The following ZCCHC8 variants were observed in gnomAD, a reference collection of about 807,000 sequenced individuals.
ZCCHC8 encodes zinc finger CCHC-type containing 8.
ZCCHC8 carries 27 observed loss-of-function variants against 70.6 expected under a neutral mutation model. The ratio of observed to expected loss-of-function variants is 0.38; its 90% CI spans 0.28 to 0.53. The LOEUF is 0.53. ZCCHC8 is among the 20% of genes least tolerant of loss of function. The probability of loss-of-function intolerance (pLI) is 0.81; values close to 1 mark genes in which losing one functional copy is unlikely to be tolerated. For synonymous variants in ZCCHC8, 293 were observed against 317.4 expected, an observed-to-expected ratio of 0.92 and a Z score of 0.82; for missense variants, 737 against 876.9, an observed-to-expected ratio of 0.84 and a Z score of 2.01.
Position 122,489,403 on chromosome 12 carries a change from T to G in ZCCHC8, c.484A>C (p.Asn162His), listed in dbSNP as rs764102287. 64 of 1,613,624 alleles carry G rather than the reference T, an allele frequency of 4.0e-5. No individual in the cohort carries two copies. Among genetic ancestry groups the G allele is most frequent in the Non-Finnish European group, 5.3e-5 (63 of 1,179,764 alleles). The change falls in exon 5 of 14, where the codon AAC becomes CAC. Residue 162 changes from asparagine to histidine, a missense_variant. Transcript: ENST00000633063. Reference protein sequence around the residue: ...KVEESCAIKNNKEAFSVVGSV... With the variant: ...KVEESCAIKNHKEAFSVVGSV... ...AAACTTACACTGAAAGCTTCCTTGTTGTTTTTAATGGCACAGGACTCTTCC... is the reference window on the plus strand; with the variant it reads ...AAACTTACACTGAAAGCTTCCTTGTGGTTTTTAATGGCACAGGACTCTTCC...
chr12:122,474,263 G>A lies in ZCCHC8; in HGVS notation c.1358C>T (p.Pro453Leu). 1.4e-6 allele frequency: 2 copies of A among 1,435,036 alleles called. No homozygotes were observed. The highest frequency in any genetic ancestry group is 1.8e-5 in the South Asian group (1 of 56,778). 88.9% of individuals were successfully genotyped at this position (1,435,036 alleles called of 1,614,324 possible). The change falls in exon 14 of 14, where the codon CCA (proline) becomes CTA (leucine). Residue 453 changes from proline (P) to leucine (L), a missense_variant. Physicochemically the swap from Pro to Leu is moderately conservative, Grantham distance 98. Transcript: ENST00000633063. Reference sequence around the variant, plus strand: ...ACTTTCGCTGCTCTGAGAACCATGTGGTACCTCCATATCTGAAGTAAGAAA... The same window carrying A: ...ACTTTCGCTGCTCTGAGAACCATGTAGTACCTCCATATCTGAAGTAAGAAA... ...DMELDSDMEV[P>L]HGSQSSESFQ...
Position 122,482,622 on chromosome 12 carries a change from G to C in ZCCHC8, c.732+13C>G. On this transcript the variant is annotated intron_variant, in intron 8 of 13. Coordinates refer to ENST00000633063, the MANE Select transcript of ZCCHC8 (RefSeq NM_017612.5). The stretch of plus-strand genomic sequence containing the variant: ...CTTGTTCAAAGACTTTTCTTAACAT[G>C]AGAAAAATTTACCATTGGGCAATCT... 2 of 1,596,164 alleles carry C rather than the reference G, an allele frequency of 1.3e-6. No homozygotes were observed. Among genetic ancestry groups the C allele is most frequent in the Admixed American group, 1.7e-5 (1 of 59,220 alleles).
In ZCCHC8 at chr12:122,482,647, T is replaced by A. The variant is rs747459224; in HGVS notation, c.720A>T (p.Lys240Asn). The A allele has an allele frequency of 1.2e-6, 2 of 1,606,046 alleles. No individual in the cohort carries two copies. The highest frequency in any genetic ancestry group is 8.5e-7 in the Non-Finnish European group (1 of 1,175,546). Reference sequence around the variant, plus strand: ...GAGAAAAATTTACCATTGGGCAATCTTTCATTTGGTGTTCTTCAGAACCAC... The same window carrying A: ...GAGAAAAATTTACCATTGGGCAATCATTCATTTGGTGTTCTTCAGAACCAC... ...FNCGSEEHQM[K>N]DCPMPRNAAR... The change falls in exon 8 of 14, where the codon AAA becomes AAT. Residue 240 changes from lysine to asparagine, a missense_variant. Lys to Asn is a moderately conservative substitution (Grantham distance 94). Transcript: ENST00000633063.
chr12:122,478,056 T>G (rs754365126), intron 12 of ZCCHC8, 98 bp from the exon 13 acceptor site: 16 of 1,226,038 alleles, frequency 1.3e-5, no homozygotes, highest in Admixed American at 1.9e-5. Context: ...CAATCTGGAG[T>G]TAAGTCTAGG....
intron 4 of ZCCHC8, 106 bp from the exon 5 acceptor site, chr12:122,489,569 T>A: frequency 1.0e-6 from 1 of 1,000,562 alleles, no homozygotes; most frequent in Admixed American, 2.0e-5. Context: ...ATGAACGACA[T>A]TTCATGTGGG....
intron 5 of ZCCHC8, among the ~76,000 whole-genome samples, chr12:122,486,852 G>A (rs1957652530): frequency 6.6e-6 from 1 of 152,158 alleles, no homozygotes; most frequent in African/African-American, 2.4e-5. Flanking sequence ...TTACAGATGT[G>A]AGCCGCCGTG....
Position 122,478,085 on chromosome 12 carries a change from ACT to A in ZCCHC8, c.1227+119_1227+120del. On this transcript the variant is annotated intron_variant, in intron 12 of 13. Transcript: ENST00000633063. ...GTCTAGGTAATTGGTGAATTTTGCC[ACT>A]GTTTTCCTTTTGGTTTGTCAAGATA... 2.4e-6 allele frequency: 3 copies of A among 1,233,132 alleles called. No homozygotes were observed. The East Asian group carries it at 7.5e-5, about 31-fold the overall frequency. The allele number at this position is 1,233,132 out of a possible 1,614,324, so 76.4% of individuals were successfully genotyped here. A position where few individuals can be genotyped will look rare whatever the true frequency, so the allele number is the denominator to read the frequency against.
At chr12:122,499,152 G>A in intron 1 of ZCCHC8, 4 of 457,686 alleles carry the variant, frequency 8.7e-6, no homozygotes, top group Non-Finnish European at 1.6e-5. Context: ...AAGCATCAGT[G>A]TTCCTGTCAA....
chr12:122,498,689 T>A (rs1957869008), intron 2 of ZCCHC8, 138 bp downstream of exon 2: 1 of 824,166 alleles, frequency 1.2e-6, no homozygotes, highest in Non-Finnish European at 2.0e-6. Flanking sequence ...ACTATTACTT[T>A]GATTTCTTCA....
chr12:122,476,650 A>G (rs1033547439), intron 13 of ZCCHC8, among the ~76,000 whole-genome samples: 1 of 151,976 alleles, frequency 6.6e-6, no homozygotes, highest in Non-Finnish European at 1.5e-5. Flanking sequence ...CCCCTAGTAC[A>G]AAACTGAAAA....
intron 3 of ZCCHC8, chr12:122,490,824 G>A (rs1957730617): frequency 3.8e-6 from 1 of 260,352 alleles, no homozygotes; most frequent in Non-Finnish European, 7.2e-6. Context: ...AAGAATACAC[G>A]GATTTTATTT....
In ZCCHC8 at chr12:122,473,938, A is replaced by C. The variant is rs536057037; in HGVS notation, c.1683T>G (p.Asn561Lys). 49 of 1,612,284 alleles carry C rather than the reference A, an allele frequency of 3.0e-5. 1 individual carries two copies. The South Asian group carries it at 4.6e-4, about 15-fold the overall frequency. ...CCTCCGGGACAGGGAGGTCTAGCTC[A>C]TTTGGACAAGGTGATGAGGCAACGG... is the stretch of plus-strand genomic sequence containing the variant. The part of the protein sequence containing the change: ...GNSVASSPCP[N>K]ELDLPVPEGK... The change falls in exon 14 of 14, where the codon AAT becomes AAG. Residue 561 changes from asparagine to lysine, a missense_variant. By Grantham distance (94) the Asn-to-Lys change is moderately conservative (BLOSUM62 0). Transcript: ENST00000633063.
At chr12:122,482,123 G>C in intron 8 of ZCCHC8, 36 bp from the exon 9 acceptor site, 1 of 1,550,462 alleles carries the variant, frequency 6.4e-7, no homozygotes, top group Non-Finnish European at 8.7e-7. Flanking sequence ...ATGGTTTCAT[G>C]CAACTCAGAA....
At chr12:122,490,031 T>C (rs571136067) in intron 4 of ZCCHC8, among the ~76,000 whole-genome samples, 3 of 151,960 alleles carry the variant, frequency 2.0e-5, no homozygotes, top group African/African-American at 7.2e-5. Context: ...TCTCTCTCTC[T>C]CTCTTTTTTT....
intron 3 of ZCCHC8, chr12:122,491,971 T>C (rs927193220): frequency 8.5e-5 from 13 of 152,136 alleles, no homozygotes; most frequent in African/African-American, 3.1e-4. Context: ...GCCCAGCACC[T>C]TGCTGCTGTA....
chr12:122,489,980 T>TAA (rs201958297), intron 4 of ZCCHC8, among the ~76,000 whole-genome samples: 13 of 135,134 alleles, frequency 9.6e-5, no homozygotes, highest in African/African-American at 3.4e-4. Flanking sequence ...TAATTTTTAA[T>TAA]AAAAAAAAAA....
chr12:122,482,843 T>G (rs1195035719), intron 7 of ZCCHC8, 148 bp from the exon 8 acceptor site: 3 of 635,294 alleles, frequency 4.7e-6, no homozygotes, highest in Non-Finnish European at 8.2e-6. Flanking sequence ...GAAGTACACT[T>G]TAATCTCCTT....
intron 4 of ZCCHC8, among the ~76,000 whole-genome samples, chr12:122,489,854 T>C (rs1370149222): frequency 6.6e-6 from 1 of 152,070 alleles, no homozygotes; most frequent in Non-Finnish European, 1.5e-5. Context: ...TCTTTAAAAA[T>C]TGTACAGAAT....
At chr12:122,499,225 A>C (rs1957876397) in intron 1 of ZCCHC8, 1 of 263,296 alleles carries the variant, frequency 3.8e-6, no homozygotes, top group Admixed American at 5.1e-5. Flanking sequence ...ACAACTTTAG[A>C]ATTTGGAATA....
Sources: allele counts gnomAD v4.1 joint callset (sites outside exome capture counted in the v4.1 genomes callset), GRCh38; gene constraint gnomAD v4.1.1; transcripts MANE v1.5; gene names NCBI Gene and HGNC (gene_info 2026-07-23, HGNC 2026-07-21).